EGFLAM: variants seen among roughly 807,000 people sequenced by gnomAD.
EGFLAM encodes the protein EGF like, fibronectin type III and laminin G domains.
Under a neutral mutation model 113.1 loss-of-function variants are expected in EGFLAM, and 79 were observed. That is an observed-to-expected ratio of 0.70 (90% CI 0.58 to 0.84). The LOEUF (loss-of-function observed/expected upper bound fraction) is 0.84, where lower values mean the gene tolerates loss of function less well. Among genes scored for constraint, EGFLAM ranks in the 40% least tolerant of loss-of-function variants. The probability of loss-of-function intolerance (pLI) is 0.00; values close to 1 mark genes in which losing one functional copy is unlikely to be tolerated. For missense variants in EGFLAM, 1,265 were observed against 1,291.6 expected (o/e 0.98, Z 0.32); for synonymous variants, 504 against 487.6 (o/e 1.03, Z -0.44).
chr5:38,314,148 T>TA (rs1255999185), intron 1 of EGFLAM, among the ~76,000 whole-genome samples: 2 of 152,236 alleles, frequency 1.3e-5, no homozygotes, highest in Admixed American at 6.5e-5. Flanking sequence ...CATTTGGAGT[T>TA]AAAGTTATGT....
chr5:38,325,439 G>A (rs1378506609), intron 1 of EGFLAM, among the ~76,000 whole-genome samples: 1 of 152,212 alleles, frequency 6.6e-6, no homozygotes, highest in Non-Finnish European at 1.5e-5. Context: ...GACAAAGATG[G>A]CAGCAATAAC....
Position 38,370,295 on chromosome 5 carries a change from G to C in EGFLAM, c.546-1G>C. 1.9e-6 allele frequency: 3 copies of C among 1,612,738 alleles called. No individual in the cohort carries two copies. The highest frequency in any genetic ancestry group is 2.5e-6 in the Non-Finnish European group (3 of 1,179,042). The stretch of plus-strand genomic sequence containing the variant: ...TTCTTCTGTTTTTCTAATCAATAAA[G>C]GCCAGATTTCGACAAGAAGTGGACC... On this transcript the variant is annotated splice_acceptor_variant, in intron 5 of 21. Coordinates refer to ENST00000322350, the MANE Select transcript of EGFLAM (RefSeq NM_152403.4). LOFTEE classifies it high-confidence loss of function.
chr5:38,453,003 A>G (rs1204765146), intron 19 of EGFLAM, among the ~76,000 whole-genome samples: 1 of 152,150 alleles, frequency 6.6e-6, no homozygotes, highest in Admixed American at 6.5e-5. Context: ...ACATCCTCAC[A>G]TGAGGTTAGA....
chr5:38,436,981 C>A (rs1486096179), intron 16 of EGFLAM, among the ~76,000 whole-genome samples: 1 of 151,338 alleles, frequency 6.6e-6, no homozygotes, highest in Non-Finnish European at 1.5e-5. Flanking sequence ...CTCTTATAAC[C>A]CCTGGGCAGT....
At chr5:38,283,937 A>G (rs1326930143) in intron 1 of EGFLAM, 1 of 152,294 alleles carries the variant, frequency 6.6e-6, no homozygotes, top group Non-Finnish European at 1.5e-5. Context: ...TCAGCTCTTC[A>G]TTAGCTCCAA....
chr5:38,444,900 G>A (rs569798213), intron 17 of EGFLAM, among the ~76,000 whole-genome samples: 17 of 152,190 alleles, frequency 1.1e-4, no homozygotes, highest in South Asian at 2.1e-4. Context: ...AGCCGAGATC[G>A]CGCCACTGCA....
intron 3 of EGFLAM, among the ~76,000 whole-genome samples, chr5:38,340,858 G>A: frequency 1.6e-5 from 1 of 63,294 alleles, no homozygotes; most frequent in East Asian, 3.9e-4. Context: ...GGGGGGTGGG[G>A]GGTGGGGGGT....
chr5:38,378,391 G>A (rs1579841890), intron 6 of EGFLAM, among the ~76,000 whole-genome samples: 1 of 152,292 alleles, frequency 6.6e-6, no homozygotes, highest in Admixed American at 6.5e-5. Flanking sequence ...CGGGGTACAT[G>A]TTGTCATAGA....
In EGFLAM at chr5:38,412,652, T is replaced by C. The variant is rs1274384569; in HGVS notation, c.1494+4T>C. 5 of 1,613,236 alleles carry C rather than the reference T, an allele frequency of 3.1e-6. No homozygotes were observed. In the South Asian group the frequency reaches 3.3e-5, roughly 11 times the overall value. ...CCCAGTGACAGGCCAGTCTCAGGTA[T>C]GTATGAGCCCCACACCCTGCCCACC... On this transcript the variant is annotated splice_donor_region_variant and intron_variant, in intron 11 of 21. Transcript: ENST00000322350.
At chr5:38,269,444 A>C (rs1281683318) in intron 1 of EGFLAM, among the ~76,000 whole-genome samples, 2 of 151,738 alleles carry the variant, frequency 1.3e-5, no homozygotes, top group Admixed American at 6.6e-5. Context: ...CTGTGGGCTG[A>C]TCTCAACAAA....
intron 8 of EGFLAM, 45 bp downstream of exon 8, chr5:38,407,191 A>G: frequency 6.3e-7 from 1 of 1,591,804 alleles, no homozygotes; most frequent in East Asian, 2.2e-5. Flanking sequence ...AATTGGCACC[A>G]TTGACAGCCA....
At chr5:38,300,375 C>CTTT (rs34070893) in intron 1 of EGFLAM, among the ~76,000 whole-genome samples, 1 of 140,644 alleles carries the variant, frequency 7.1e-6, no homozygotes, top group Admixed American at 7.2e-5. Flanking sequence ...ATCTCTCTCT[C>CTTT]TTTTTTTTTT....
chr5:38,391,625 GA>G (rs1287625077), intron 6 of EGFLAM, among the ~76,000 whole-genome samples: 1 of 151,674 alleles, frequency 6.6e-6, no homozygotes, highest in Non-Finnish European at 1.5e-5. Context: ...TCTCGAACTC[GA>G]CTTCAAGTGA....
At chr5:38,433,156 G>A (rs534833312) in intron 15 of EGFLAM, among the ~76,000 whole-genome samples, 1 of 152,338 alleles carries the variant, frequency 6.6e-6, no homozygotes, top group Admixed American at 6.5e-5. Flanking sequence ...GTGGCTGACA[G>A]GGCAGTGGTC....
At chr5:38,400,593 G>A (rs541121100) in intron 6 of EGFLAM, among the ~76,000 whole-genome samples, 6 of 152,268 alleles carry the variant, frequency 3.9e-5, no homozygotes, top group South Asian at 2.1e-4. Context: ...CTGAGGTGGC[G>A]GGGCAGTCAG....
intron 15 of EGFLAM, among the ~76,000 whole-genome samples, chr5:38,433,268 C>T (rs916007431): frequency 6.6e-6 from 1 of 152,174 alleles, no homozygotes; most frequent in African/African-American, 2.4e-5. Context: ...AACCTGACCA[C>T]CAGGCTGCTC....
intron 1 of EGFLAM, among the ~76,000 whole-genome samples, chr5:38,328,039 C>T (rs769004017): frequency 1.1e-4 from 16 of 152,132 alleles, no homozygotes; most frequent in Non-Finnish European, 1.9e-4. Context: ...TGTATTAGTC[C>T]GTTCTCGCAC....
intron 14 of EGFLAM, among the ~76,000 whole-genome samples, chr5:38,427,734 C>A (rs13184051): frequency 0.099 from 15,075 of 152,214 alleles, 781 homozygotes; most frequent in Middle Eastern, 0.11. Flanking sequence ...TCCTCTTGAA[C>A]TATTTCTTTA....
intron 17 of EGFLAM, among the ~76,000 whole-genome samples, chr5:38,442,309 A>T (rs1742570231): frequency 1.4e-5 from 2 of 148,122 alleles, no homozygotes; most frequent in East Asian, 1.9e-4. Flanking sequence ...AATATACTAA[A>T]TTTTTATATT....
Sources: allele counts gnomAD v4.1 joint callset (sites outside exome capture counted in the v4.1 genomes callset), GRCh38; gene constraint gnomAD v4.1.1; transcripts MANE v1.5; gene names NCBI Gene and HGNC (gene_info 2026-07-23, HGNC 2026-07-21).